Variants in BRPF1 observed in about 807,000 individuals in gnomAD.
The protein encoded by BRPF1 is peregrin.
BRPF1 carries 15 observed loss-of-function variants against 115.0 expected under a neutral mutation model. That is an observed-to-expected ratio of 0.13 (90% CI 0.09 to 0.20). The LOEUF is 0.20. Among genes scored for constraint, BRPF1 ranks in the 10% least tolerant of loss-of-function variants. BRPF1 has a pLI of 1.00. For synonymous variants in BRPF1, 647 were observed against 619.8 expected, an observed-to-expected ratio of 1.04 and a Z score of -0.65; for missense variants, 1,118 against 1,638.3, an observed-to-expected ratio of 0.68 and a Z score of 5.48.
At chr3:9,741,965 C>T (rs1430098531) in intron 5 of BRPF1, 60 bp from the exon 6 acceptor site, 2 of 1,599,788 alleles carry the variant, frequency 1.3e-6, no homozygotes, top group Middle Eastern at 2.0e-4. Context: ...ACCATATCCT[C>T]AGACCTCTTT....
Position 9,743,264 on chromosome 3 carries a change from T to C in BRPF1, c.2311+11T>C, listed in dbSNP as rs763079692. ...ACCACACTGAAGATGGTGGGTGATA[T>C]ATCACACACACATATAAGAGGCCAA... On this transcript the variant is annotated intron_variant, in intron 7 of 13. Coordinates refer to ENST00000383829, the MANE Select transcript of BRPF1 (RefSeq NM_001003694.2). The surrounding 1 kb of genome is among the most constrained non-coding windows in gnomAD (Gnocchi z 6.1). The C allele has an allele frequency of 6.2e-6, 10 of 1,608,580 alleles. No homozygotes were observed. Among genetic ancestry groups the C allele is most frequent in the Non-Finnish European group, 8.5e-6 (10 of 1,176,528 alleles).
rs937502962 is a variant in BRPF1 at position 9,739,569 on chromosome 3, A to G, written c.1170A>G (p.Lys390=). 9 of 1,612,756 alleles carry G rather than the reference A, an allele frequency of 5.6e-6. 1 individual carries two copies. The Admixed American group carries it at 8.3e-5, about 15-fold the overall frequency. Residue 390 remains lysine, a synonymous_variant, in exon 3 of 14, where the codon AAA becomes AAG. Transcript: ENST00000383829. The part of the protein sequence containing the change: ...ARWKLTCYIC[K]QRGSGACIQC... ...GGAAGCTCACCTGCTACATTTGCAAACAACGGGGCTCAGGGGCCTGCATCC... is the reference window on the plus strand; with the variant it reads ...GGAAGCTCACCTGCTACATTTGCAAGCAACGGGGCTCAGGGGCCTGCATCC...
chr3:9,738,972 A>T, intron 2 of BRPF1, 27 bp from the exon 3 acceptor site: 1 of 1,524,654 alleles, frequency 6.6e-7, no homozygotes, highest in Non-Finnish European at 8.8e-7. Context: ...CAACCATGTG[A>T]TGCTGAGTTC....
In BRPF1 at chr3:9,742,160, G is replaced by A. The variant is rs751452778; in HGVS notation, c.1990G>A (p.Glu664Lys). 4 of 1,614,052 alleles carry A rather than the reference G, an allele frequency of 2.5e-6. No individual in the cohort carries two copies. Among genetic ancestry groups the A allele is most frequent in the African/African-American group, 1.3e-5 (1 of 75,028 alleles). The change falls in exon 6 of 14, where the codon GAA (glutamate) becomes AAA (lysine). Residue 664 changes from glutamate to lysine, a missense_variant. Physicochemically the swap from Glu to Lys is moderately conservative, Grantham distance 56. This residue lies in a region of BRPF1 where 178 missense variants were observed against 303.7 expected (regional missense o/e 0.59). Transcript: ENST00000383829. Reference protein sequence around the residue: ...SEPVPLSEVTELDEVPDYLDH... With the variant: ...SEPVPLSEVTKLDEVPDYLDH... Reference sequence around the variant, plus strand: ...GCCGGTCCCTCTGTCTGAGGTAACCGAATTGGACGAAGTAAGAATCCCTTC... The same window carrying A: ...GCCGGTCCCTCTGTCTGAGGTAACCAAATTGGACGAAGTAAGAATCCCTTC...
chr3:9,733,292 C>T (rs879360155), intron 1 of BRPF1: 1 of 152,244 alleles, frequency 6.6e-6, no homozygotes, highest in Non-Finnish European at 1.5e-5. Context: ...GCCACCCACC[C>T]ATTCAGCTTT....
At chr3:9,737,462 C>A (rs1265256129) in intron 2 of BRPF1, among the ~76,000 whole-genome samples, 3 of 152,248 alleles carry the variant, frequency 2.0e-5, no homozygotes, top group Non-Finnish European at 4.4e-5. Flanking sequence ...TTAGCATCAC[C>A]ACTTTACAGA....
chr3:9,733,134 C>T (rs1163434360), intron 1 of BRPF1: 2 of 152,246 alleles, frequency 1.3e-5, no homozygotes, highest in Non-Finnish European at 1.5e-5. Context: ...AAGCTGCTGT[C>T]ACTGACTAAA....
Position 9,747,194 on chromosome 3 carries a change from C to T in BRPF1, c.3508C>T (p.Pro1170Ser). 1 of 1,614,148 alleles carries T rather than the reference C, an allele frequency of 6.2e-7. No homozygotes were observed. Among genetic ancestry groups the T allele is most frequent in the Non-Finnish European group, 8.5e-7 (1 of 1,180,034 alleles). ...WQWLPRTKLV[P>S]LGVNQDLDKE... ...GTGGCTGCCCAGGACCAAGCTGGTT[C>T]CTCTGGGTGTGAACCAGGACCTAGA... Residue 1170 changes from proline to serine, a missense_variant, in exon 14 of 14, where the codon CCT becomes TCT. This residue lies in a region of BRPF1 where 76 missense variants were observed against 166.1 expected (regional missense o/e 0.46). Transcript: ENST00000383829. This position sits in a 1 kb window ranked among gnomAD's most constrained non-coding sequence, Gnocchi z 5.6.
intron 2 of BRPF1, among the ~76,000 whole-genome samples, chr3:9,735,562 C>A (rs1464886875): frequency 6.6e-6 from 1 of 152,228 alleles, no homozygotes; most frequent in African/African-American, 2.4e-5. Flanking sequence ...TCACTGATTT[C>A]ATAAGGTACT....
intron 1 of BRPF1, chr3:9,732,783 T>G (rs1433899898): frequency 2.6e-5 from 4 of 152,260 alleles, no homozygotes; most frequent in Non-Finnish European, 4.4e-5. Flanking sequence ...ACTTGCCTGG[T>G]TAAGGCACAG....
chr3:9,739,364 A>G lies in BRPF1; in HGVS notation c.965A>G (p.Gln322Arg). The change falls in exon 3 of 14, where the codon CAG becomes CGG. Residue 322 changes from glutamine (Q) to arginine (R), a missense_variant. By Grantham distance (43) the Gln-to-Arg change is conservative. Transcript: ENST00000383829. ...CAGTGGCTGTGCCGCCGTTGCCTGC[A>G]GTCACCCTCTCGTGCTGTGGATTGT... is the stretch of plus-strand genomic sequence containing the variant. Reference protein sequence around the residue: ...EGQWLCRRCLQSPSRAVDCAL... With the variant: ...EGQWLCRRCLRSPSRAVDCAL... The G allele has an allele frequency of 6.2e-7, 1 of 1,614,186 alleles. No homozygotes were observed.
chr3:9,739,581 A>G lies in BRPF1; in HGVS notation c.1182A>G (p.Ser394=), dbSNP rs141374176. 91 of 1,612,408 alleles carry G rather than the reference A, an allele frequency of 5.6e-5. No homozygotes were observed. The highest frequency in any genetic ancestry group is 7.3e-5 in the Non-Finnish European group (86 of 1,178,706). ...LTCYICKQRG[S]GACIQCHKAN... ...GCTACATTTGCAAACAACGGGGCTC[A>G]GGGGCCTGCATCCAGTGCCACAAGG... The change falls in exon 3 of 14, where the codon TCA becomes TCG. Residue 394 remains serine, a synonymous_variant. Coordinates refer to ENST00000383829, the MANE Select transcript of BRPF1 (RefSeq NM_001003694.2).
chr3:9,745,170 G>C lies in BRPF1; in HGVS notation c.3068+15G>C. 1 of 1,612,132 alleles carries C rather than the reference G, an allele frequency of 6.2e-7. No individual in the cohort carries two copies. Among genetic ancestry groups the C allele is most frequent in the South Asian group, 1.1e-5 (1 of 90,856 alleles). ...GACCGGACCAGGTACCAGCCCTCCA[G>C]ATCGAGGCCAACCTCAGGGGATGCC... On this transcript the variant is annotated intron_variant, in intron 10 of 13. Coordinates refer to ENST00000383829, the MANE Select transcript of BRPF1 (RefSeq NM_001003694.2). This position sits in a 1 kb window ranked among gnomAD's most constrained non-coding sequence, Gnocchi z 5.1.
In BRPF1 at chr3:9,747,654, C is replaced by T; in HGVS notation, c.*305C>T. On this transcript the variant is annotated 3_prime_UTR_variant, in exon 14 of 14. Coordinates refer to ENST00000383829, the MANE Select transcript of BRPF1 (RefSeq NM_001003694.2). This position sits in a 1 kb window ranked among gnomAD's most constrained non-coding sequence, Gnocchi z 5.6. The stretch of plus-strand genomic sequence containing the variant: ...AAGTTAGGACACTGCGTAAAACAGG[C>T]CATCCCACCACCTCTACCTGCTCAT... 1 of 272,688 alleles carries T rather than the reference C, an allele frequency of 3.7e-6. No homozygotes were observed. The highest frequency in any genetic ancestry group is 7.1e-6 in the Non-Finnish European group (1 of 140,208). 16.9% of individuals were successfully genotyped at this position (272,688 alleles called of 1,614,324 possible).
At chr3:9,744,031 C>G (rs1371330213) in intron 8 of BRPF1, 130 bp downstream of exon 8, 2 of 1,309,620 alleles carry the variant, frequency 1.5e-6, no homozygotes, top group African/African-American at 1.5e-5. Flanking sequence ...CCCTCATTCC[C>G]CAATCAGGGG....
intron 2 of BRPF1, among the ~76,000 whole-genome samples, chr3:9,735,854 A>G (rs2076931126): frequency 6.6e-6 from 1 of 152,338 alleles, no homozygotes; most frequent in African/African-American, 2.4e-5. Flanking sequence ...TCCAAGGCAA[A>G]AAAGGCATTC....
chr3:9,744,802 G>C (rs374353416), intron 9 of BRPF1, among the ~76,000 whole-genome samples: 1 of 152,316 alleles, frequency 6.6e-6, no homozygotes, highest in East Asian at 1.9e-4. Context: ...CCTAAAGCCA[G>C]TAACTGCCGA....
intron 2 of BRPF1, among the ~76,000 whole-genome samples, chr3:9,735,404 G>C (rs1463306330): frequency 1.3e-5 from 2 of 152,172 alleles, no homozygotes; most frequent in Non-Finnish European, 2.9e-5. Context: ...TTCCACTGTG[G>C]CAAAACATCC....
chr3:9,733,039 CG>C (rs2076881208), intron 1 of BRPF1: 1 of 152,238 alleles, frequency 6.6e-6, no homozygotes, highest in Non-Finnish European at 1.5e-5. Context: ...CCTAGATTGT[CG>C]CGTTCGTGTT....
Sources: gnomAD v4.1 joint callset for allele counts (sites outside exome capture counted in the v4.1 genomes callset) on GRCh38, gnomAD v4.1.1 for gene constraint, gnomAD v4.1.1 regional missense constraint, Gnocchi (gnomAD v3.1) non-coding constraint, MANE v1.5 for transcripts, NCBI Gene and HGNC (gene_info 2026-07-23, HGNC 2026-07-21) for gene names.